The following ADGRF3 variants were observed in gnomAD, a reference collection of about 807,000 sequenced individuals.
The protein encoded by ADGRF3 is G protein-coupled receptor 113.
In ADGRF3, 85 loss-of-function variants were observed where a neutral mutation model predicts 93.2. The observed-to-expected ratio is 0.91, with a 90% CI of 0.77 to 1.09. The LOEUF (loss-of-function observed/expected upper bound fraction) is 1.09, where lower values mean the gene tolerates loss of function less well. Among genes scored for constraint, ADGRF3 ranks in the 50% least tolerant of loss-of-function variants. ADGRF3 has a pLI of 0.00. For missense variants in ADGRF3, 1,125 were observed against 1,246.2 expected (o/e 0.90, Z 1.46); for synonymous variants, 534 against 532.5 (o/e 1.00, Z -0.04).
chr2:26,313,244 G>T, intron 8 of ADGRF3, 122 bp from the exon 9 acceptor site: 1 of 1,441,896 alleles, frequency 6.9e-7, no homozygotes, highest in Non-Finnish European at 9.5e-7. Flanking sequence ...TCCTGGCTCT[G>T]CTAGGGCTCC....
At chr2:26,321,139 G>A (rs1382603965) in intron 1 of ADGRF3, among the ~76,000 whole-genome samples, 1 of 151,932 alleles carries the variant, frequency 6.6e-6, no homozygotes, top group African/African-American at 2.4e-5. Flanking sequence ...TAGCCCCATT[G>A]CATTTCCACC....
intron 1 of ADGRF3, among the ~76,000 whole-genome samples, chr2:26,331,764 GA>G (rs1163343339): frequency 2.7e-5 from 4 of 150,934 alleles, no homozygotes; most frequent in Non-Finnish European, 5.9e-5. Context: ...CAAAACAAAA[GA>G]AACAAACAAA....
At position 26,330,818 on chromosome 2, in the gene ADGRF3, A is replaced by T. The variant is rs1438530835; in HGVS notation, c.115-13256T>A. ...AGGCCAGTGCATACCAGAAGAAAAA[A>T]TGTGAAGCTCACCACCAGTTCGGTG... On this transcript the variant is annotated intron_variant, in intron 1 of 13. Transcript: ENST00000651242. 2.0e-5 allele frequency among the ~76,000 whole-genome samples: 3 copies of T among 152,182 alleles called. No homozygotes were observed. The East Asian group carries it at 5.8e-4, about 29-fold the overall frequency.
At chr2:26,337,221 C>T (rs1396725972) in intron 1 of ADGRF3, among the ~76,000 whole-genome samples, 3 of 152,220 alleles carry the variant, frequency 2.0e-5, no homozygotes, top group Admixed American at 2.0e-4. Context: ...TCTATTTCTC[C>T]TTCGTGACTC....
In ADGRF3 at chr2:26,309,834, T is replaced by C. The variant is rs1223742632; in HGVS notation, c.2937+209A>G. On this transcript the variant is annotated intron_variant, in intron 12 of 13. Coordinates refer to ENST00000651242, the MANE Select transcript of ADGRF3 (RefSeq NM_001321971.2). Reference sequence around the variant, plus strand: ...GAGTCAGCAGGAGTCCAGGTGATAATCAGGAACCCAGGACCCTGATCCTGA... The same window carrying C: ...GAGTCAGCAGGAGTCCAGGTGATAACCAGGAACCCAGGACCCTGATCCTGA... 3 of 1,206,506 alleles carry C rather than the reference T, an allele frequency of 2.5e-6. No individual in the cohort carries two copies. The African/African-American group carries it at 4.6e-5, about 19-fold the overall frequency. 74.7% of individuals were successfully genotyped at this position (1,206,506 alleles called of 1,614,324 possible). A position where few individuals can be genotyped will look rare whatever the true frequency, so the allele number is the denominator to read the frequency against.
At position 26,316,342 on chromosome 2, in the gene ADGRF3, G is replaced by A; in HGVS notation, c.432C>T (p.Asn144=). 1 of 1,551,970 alleles carries A rather than the reference G, an allele frequency of 6.4e-7. No homozygotes were observed. Among genetic ancestry groups the A allele is most frequent in the Non-Finnish European group, 8.7e-7 (1 of 1,147,032 alleles). ...AGACAAGGCAGCCACAAGGCTGGTG[G>A]TTGTGGAGGCTTTGACAAGGAGGGT... The part of the protein sequence containing the change: ...LHYPPCQSLH[N]HQPCGCLVFS... Residue 144 remains asparagine (N), a synonymous_variant, in exon 4 of 14, where the codon AAC becomes AAT. Coordinates refer to ENST00000651242, the MANE Select transcript of ADGRF3 (RefSeq NM_001321971.2).
chr2:26,309,972 G>A, intron 12 of ADGRF3, 71 bp downstream of exon 12: 1 of 1,614,010 alleles, frequency 6.2e-7, no homozygotes, highest in Non-Finnish European at 8.5e-7. Flanking sequence ...CATGTCCTCT[G>A]AGGAGGGCCA....
chr2:26,332,248 T>G (rs945598168), intron 1 of ADGRF3, among the ~76,000 whole-genome samples: 17 of 152,190 alleles, frequency 1.1e-4, no homozygotes, highest in Admixed American at 8.5e-4. Flanking sequence ...CAATTAAAAG[T>G]ACACAGGTAT....
At chr2:26,319,214 T>G (rs1283073931) in intron 1 of ADGRF3, 1 of 693,250 alleles carries the variant, frequency 1.4e-6, no homozygotes, top group Non-Finnish European at 2.3e-6. Context: ...GGAATCCAGG[T>G]CACTGTGGGG....
rs767972190 is a variant in ADGRF3, at chr2:26,313,849, C to G, written c.983G>C (p.Cys328Ser). 1.2e-6 allele frequency: 2 copies of G among 1,613,882 alleles called. No individual in the cohort carries two copies. Among genetic ancestry groups the G allele is most frequent in the Non-Finnish European group, 1.7e-6 (2 of 1,179,904 alleles). The change falls in exon 7 of 14, where the codon TGC (cysteine) becomes TCC (serine). Residue 328 changes from cysteine to serine, a missense_variant. Transcript: ENST00000651242. ...AGCGTACGTGGTGTCAGCCATCGGGCAGCGCTGAACAGCCAGCACAAAGCA... is the reference window on the plus strand; with the variant it reads ...AGCGTACGTGGTGTCAGCCATCGGGGAGCGCTGAACAGCCAGCACAAAGCA... ...SQCFVLAVQR[C>S]PMADTTYACD...
intron 1 of ADGRF3, among the ~76,000 whole-genome samples, chr2:26,337,183 T>C (rs1180158126): frequency 1.3e-5 from 2 of 152,232 alleles, no homozygotes; most frequent in Non-Finnish European, 2.9e-5. Context: ...CTGTGTGACT[T>C]TGCCATTCCA....
At chr2:26,313,326 G>A in intron 8 of ADGRF3, 51 bp downstream of exon 8, 1 of 1,492,050 alleles carries the variant, frequency 6.7e-7, no homozygotes, top group Admixed American at 2.2e-5. Context: ...TCCTAGAGAG[G>A]CTAGGGTGGG....
intron 1 of ADGRF3, among the ~76,000 whole-genome samples, chr2:26,338,023 CA>C (rs1676152879): frequency 6.6e-6 from 1 of 151,964 alleles, no homozygotes; most frequent in African/African-American, 2.4e-5. Flanking sequence ...GACTCGGTCT[CA>C]AAAATAAAAT....
intron 1 of ADGRF3, among the ~76,000 whole-genome samples, chr2:26,325,653 T>C (rs774339706): frequency 2.6e-5 from 4 of 152,210 alleles, no homozygotes; most frequent in Non-Finnish European, 5.9e-5. Flanking sequence ...TGACCTTATA[T>C]ACAAATAAAC....
At chr2:26,319,581 T>TCTTTCTCTC (rs1558390968) in intron 1 of ADGRF3, among the ~76,000 whole-genome samples, 11 of 47,068 alleles carry the variant, frequency 2.3e-4, no homozygotes, top group East Asian at 8.2e-4. Context: ...CTTCCTTCCT[T>TCTTTCTCTC]CCTTCCTTCC....
intron 1 of ADGRF3, among the ~76,000 whole-genome samples, chr2:26,330,133 T>G (rs758802872): frequency 3.3e-5 from 5 of 152,228 alleles, no homozygotes; most frequent in Non-Finnish European, 7.3e-5. Context: ...GGACTGTGCT[T>G]CTTTCAACAT....
In ADGRF3 at chr2:26,310,541, C is replaced by T. The variant is rs138737523; in HGVS notation, c.2832+151G>A. 2.6e-3 allele frequency: 2,099 copies of T among 792,256 alleles called. 4 individuals are homozygous for T. The highest frequency in any genetic ancestry group is 3.6e-3 in the Non-Finnish European group (1,829 of 503,516). 49.1% of individuals were successfully genotyped at this position (792,256 alleles called of 1,614,324 possible). A position where few individuals can be genotyped will look rare whatever the true frequency, so the allele number is the denominator to read the frequency against. On this transcript the variant is annotated intron_variant, in intron 10 of 13. Transcript: ENST00000651242. ...ATTTGTCCAAAGTTATCCAGCTACT[C>T]AGTGGAGGAACTGGGATCCACACCT...
intron 1 of ADGRF3, among the ~76,000 whole-genome samples, chr2:26,329,402 G>C (rs1261006108): frequency 3.9e-5 from 6 of 152,210 alleles, no homozygotes; most frequent in Admixed American, 3.9e-4. Context: ...CAAAGTTCTG[G>C]GATGACAGGT....
At chr2:26,313,973 A>T in intron 6 of ADGRF3, 70 bp from the exon 7 acceptor site, 1 of 1,567,394 alleles carries the variant, frequency 6.4e-7, no homozygotes, top group Non-Finnish European at 8.7e-7. Flanking sequence ...AGGCTCTGAC[A>T]TGCTGTTTCA....
Sources: gnomAD v4.1 joint callset for allele counts (sites outside exome capture counted in the v4.1 genomes callset) on GRCh38, gnomAD v4.1.1 for gene constraint, MANE v1.5 for transcripts, NCBI Gene and HGNC (gene_info 2026-07-23, HGNC 2026-07-21) for gene names.